HADHA: variants seen among roughly 807,000 people sequenced by gnomAD.
HADHA encodes the protein hydroxyacyl-CoA dehydrogenase trifunctional multienzyme complex subunit alpha.
Under a neutral mutation model 91.3 loss-of-function variants are expected in HADHA, and 59 were observed. That is an observed-to-expected ratio of 0.65 (90% CI 0.52 to 0.80). The LOEUF (loss-of-function observed/expected upper bound fraction) is 0.80. Among genes scored for constraint, HADHA ranks in the 30% least tolerant of loss-of-function variants. The pLI is 0.00. For synonymous variants in HADHA, 320 were observed against 338.9 expected, an observed-to-expected ratio of 0.94 and a Z score of 0.61; for missense variants, 800 against 927.6, an observed-to-expected ratio of 0.86 and a Z score of 1.79.
Position 26,229,865 on chromosome 2 carries a change from T to TG in HADHA, c.676+326dup, listed in dbSNP as rs1318041851. 6.6e-6 allele frequency among the ~76,000 whole-genome samples: 1 copy of TG among 152,214 alleles called. No homozygotes were observed. Among genetic ancestry groups the TG allele is most frequent in the Non-Finnish European group, 1.5e-5 (1 of 68,028 alleles). On this transcript the variant is annotated intron_variant, in intron 7 of 19. Transcript: ENST00000380649. This position sits in a 1 kb window ranked among gnomAD's most constrained non-coding sequence, Gnocchi z 4.3. ...TTTTGAGATGGGAGTCTGGCTCTGT[T>TG]GCCCAGGCTGGAGCACAATGGCATG...
chr2:26,225,723 T>C (rs1185008942), intron 7 of HADHA, among the ~76,000 whole-genome samples: 2 of 152,162 alleles, frequency 1.3e-5, no homozygotes, highest in African/African-American at 2.4e-5. Context: ...AAAGAGCACA[T>C]ATGAAAAACC....
At chr2:26,239,474 G>A (rs936879772) in intron 1 of HADHA, among the ~76,000 whole-genome samples, 3 of 152,140 alleles carry the variant, frequency 2.0e-5, no homozygotes, top group Admixed American at 6.6e-5. Flanking sequence ...ATCCAGGTGG[G>A]CCCAGTGTAA....
chr2:26,217,999 T>C (rs1417064156), intron 7 of HADHA, among the ~76,000 whole-genome samples: 1 of 152,130 alleles, frequency 6.6e-6, no homozygotes, highest in Admixed American at 6.5e-5. Flanking sequence ...TGGAGACATT[T>C]ATAAAGTACC....
Position 26,210,377 on chromosome 2 carries a change from G to A in HADHA, c.976-488C>T, listed in dbSNP as rs1289771761. Among the ~76,000 whole-genome samples the A allele has an allele frequency of 8.6e-5, 13 of 151,988 alleles. No homozygotes were observed. Among genetic ancestry groups the A allele is most frequent in the East Asian group, 5.8e-4 (3 of 5,174 alleles). ...TTCTTTTTTTTTGAGATGGAGTCTC[G>A]CACTGTCACCCAGGCTGGAGTGCAG... is the stretch of plus-strand genomic sequence containing the variant. On this transcript the variant is annotated intron_variant, in intron 10 of 19. Transcript: ENST00000380649. The surrounding 1 kb of genome is among the most constrained non-coding windows in gnomAD (Gnocchi z 4.0).
chr2:26,222,446 T>C (rs1670396090), intron 7 of HADHA, among the ~76,000 whole-genome samples: 1 of 152,308 alleles, frequency 6.6e-6, no homozygotes, highest in Admixed American at 6.5e-5. Flanking sequence ...GTGAAAACAC[T>C]TGTGTCCCAT....
At chr2:26,191,748 T>C in intron 18 of HADHA, 120 bp from the exon 19 acceptor site, 1 of 995,846 alleles carries the variant, frequency 1.0e-6, no homozygotes, top group Admixed American at 1.8e-5. Flanking sequence ...CGGTTGGTGC[T>C]GGCCCTCAGA....
At chr2:26,222,617 T>A (rs10199898) in intron 7 of HADHA, among the ~76,000 whole-genome samples, 1 of 151,978 alleles carries the variant, frequency 6.6e-6, no homozygotes, top group South Asian at 2.1e-4. Context: ...ATGCATGGGC[T>A]TAGGCAATAT....
In HADHA at chr2:26,221,809, G is replaced by C. The variant is rs1670380802; in HGVS notation, c.677-6634C>G. ...CCTTCTGGGACATCCCTTAAGGACA[G>C]TGGTGAAGGGATAGCCTCCCAGTGG... On this transcript the variant is annotated intron_variant, in intron 7 of 19. Transcript: ENST00000380649. The surrounding 1 kb of genome is among the most constrained non-coding windows in gnomAD (Gnocchi z 4.8). Among the ~76,000 whole-genome samples the C allele has an allele frequency of 1.3e-5, 2 of 152,222 alleles. No homozygotes were observed. Among genetic ancestry groups the C allele is most frequent in the South Asian group, 4.1e-4 (2 of 4,832 alleles).
rs930859815 is a variant in HADHA, at chr2:26,244,514, C to G, written c.67+16G>C. 1.3e-6 allele frequency: 2 copies of G among 1,567,240 alleles called. No individual in the cohort carries two copies. Among genetic ancestry groups the G allele is most frequent in the East Asian group, 4.8e-5 (2 of 42,060 alleles). Reference sequence around the variant, plus strand: ...GTTCTGCCCGGAGGTCTGGGATGCCCTCGGCCAGGCCTCACCTCGGGAGCG... The same window carrying G: ...GTTCTGCCCGGAGGTCTGGGATGCCGTCGGCCAGGCCTCACCTCGGGAGCG... On this transcript the variant is annotated intron_variant, in intron 1 of 19. Coordinates refer to ENST00000380649, the MANE Select transcript of HADHA (RefSeq NM_000182.5).
At chr2:26,242,040 T>A (rs576603546) in intron 1 of HADHA, among the ~76,000 whole-genome samples, 2 of 152,256 alleles carry the variant, frequency 1.3e-5, no homozygotes, top group African/African-American at 4.8e-5. Context: ...TAGTTGGGAT[T>A]ACAGACGTGT....
chr2:26,201,362 A>G, intron 12 of HADHA, 42 bp from the exon 13 acceptor site: 3 of 1,390,764 alleles, frequency 2.2e-6, no homozygotes, highest in Non-Finnish European at 3.1e-6. Flanking sequence ...AGAAAAGGAA[A>G]CTAACGTTTA....
intron 1 of HADHA, among the ~76,000 whole-genome samples, chr2:26,242,713 G>A (rs1428870983): frequency 6.6e-6 from 1 of 152,182 alleles, no homozygotes. Flanking sequence ...GAGGGTAAAA[G>A]GCAGAGCCAG....
intron 1 of HADHA, among the ~76,000 whole-genome samples, chr2:26,243,436 G>C (rs1670965790): frequency 6.6e-6 from 1 of 151,676 alleles, no homozygotes; most frequent in Non-Finnish European, 1.5e-5. Flanking sequence ...AATCCTTACA[G>C]CATTTCAATG....
Position 26,244,619 on chromosome 2 carries a change from T to G in HADHA, c.-23A>C. 6.4e-7 allele frequency: 1 copy of G among 1,565,066 alleles called. No individual in the cohort carries two copies. The highest frequency in any genetic ancestry group is 8.7e-7 in the Non-Finnish European group (1 of 1,154,288). ...CATCTTGAGCTGAAGAGGACAGCAG[T>G]GGAGAGCGCCTCTAACGGGTGCGGC... On this transcript the variant is annotated 5_prime_UTR_variant, in exon 1 of 20. Coordinates refer to ENST00000380649, the MANE Select transcript of HADHA (RefSeq NM_000182.5).
intron 7 of HADHA, among the ~76,000 whole-genome samples, chr2:26,225,996 G>A (rs1205189529): frequency 6.6e-6 from 1 of 151,998 alleles, no homozygotes; most frequent in African/African-American, 2.4e-5. Context: ...AATGAATTTA[G>A]CTAAACCACA....
intron 5 of HADHA, among the ~76,000 whole-genome samples, chr2:26,233,749 G>A (rs1046501327): frequency 2.0e-5 from 3 of 152,132 alleles, no homozygotes; most frequent in African/African-American, 7.2e-5. Context: ...TGTGTCATGT[G>A]GATTAAGGAT....
At chr2:26,244,238 G>A (rs1271851522) in intron 1 of HADHA, among the ~76,000 whole-genome samples, 2 of 152,256 alleles carry the variant, frequency 1.3e-5, no homozygotes, top group East Asian at 3.8e-4. Flanking sequence ...TGAGGGGCGT[G>A]AGCCCAGAAG....
Position 26,229,348 on chromosome 2 carries a change from G to GCGCACA in HADHA, c.676+843_676+844insTGTGCG, listed in dbSNP as rs1553315305. Among the ~76,000 whole-genome samples, 1,953 of 147,614 alleles carry GCGCACA rather than the reference G, an allele frequency of 0.013. 43 individuals are homozygous for GCGCACA. The highest frequency in any genetic ancestry group is 0.041 in the African/African-American group (1,645 of 39,650). On this transcript the variant is annotated intron_variant, in intron 7 of 19. Coordinates refer to ENST00000380649, the MANE Select transcript of HADHA (RefSeq NM_000182.5). This position sits in a 1 kb window ranked among gnomAD's most constrained non-coding sequence, Gnocchi z 4.3. ...GTGAGACCCCAACATGTGTGCGCGCGCACACACACACACACACACACACAC... is the reference window on the plus strand; with the variant it reads ...GTGAGACCCCAACATGTGTGCGCGCGCGCACACACACACACACACACACACACACAC...
chr2:26,209,791 C>T lies in HADHA; in HGVS notation c.1074G>A (p.Gln358=), dbSNP rs1285183054. The change falls in exon 11 of 20, where the codon CAG becomes CAA. Residue 358 remains glutamine (Q), a synonymous_variant. Transcript: ENST00000380649. ...LCKKNKFGAP[Q]KDVKHLAILG... Reference sequence around the variant, plus strand: ...AGAGTTTAACTTACTTAACATCCTTCTGTGGAGCTCCAAATTTATTCTTCT... The same window carrying T: ...AGAGTTTAACTTACTTAACATCCTTTTGTGGAGCTCCAAATTTATTCTTCT... 1 of 1,529,314 alleles carries T rather than the reference C, an allele frequency of 6.5e-7. No individual in the cohort carries two copies. Among genetic ancestry groups the T allele is most frequent in the South Asian group, 1.1e-5 (1 of 89,354 alleles). 94.7% of individuals were successfully genotyped at this position (1,529,314 alleles called of 1,614,324 possible).
Sources: allele counts gnomAD v4.1 joint callset (sites outside exome capture counted in the v4.1 genomes callset), GRCh38; gene constraint gnomAD v4.1.1; non-coding constraint Gnocchi (gnomAD v3.1); transcripts MANE v1.5; gene names NCBI Gene and HGNC (gene_info 2026-07-23, HGNC 2026-07-21).